CXADR: variants seen among roughly 807,000 people sequenced by gnomAD.
CXADR encodes the protein coxsackievirus and adenovirus receptor.
Under a neutral mutation model 40.3 loss-of-function variants are expected in CXADR, and 20 were observed. The ratio of observed to expected loss-of-function variants is 0.50; its 90% CI spans 0.35 to 0.72. The LOEUF (loss-of-function observed/expected upper bound fraction) is 0.72. Ranked by LOEUF, CXADR falls within the 30% of genes least tolerant of loss-of-function variation. The probability of loss-of-function intolerance (pLI) is 0.01; values close to 1 mark genes in which losing one functional copy is unlikely to be tolerated. For missense variants in CXADR, 332 were observed against 449.1 expected (o/e 0.74, Z 2.36); for synonymous variants, 150 against 161.3 (o/e 0.93, Z 0.53).
Position 17,589,582 on chromosome 21 carries a change from ATT to A in CXADR, c.1018-3560_1018-3559del, listed in dbSNP as rs57696814. ...ATACTAGCACCATTCTAGGCATACCATTTTTTTTTTTATTCTACTCTTTTTTA... is the reference window on the plus strand; with the variant it reads ...ATACTAGCACCATTCTAGGCATACCATTTTTTTTTATTCTACTCTTTTTTA... On this transcript the variant is annotated intron_variant, in intron 7 of 7. Transcript: ENST00000400169. Among the ~76,000 whole-genome samples the A allele has an allele frequency of 7.4e-3, 1,113 of 149,848 alleles. 59 individuals are homozygous for A. In the East Asian group the frequency reaches 0.13, roughly 18 times the overall value.
downstream of CXADR, chr21:17,570,236 G>C (rs1275906500): frequency 1.1e-6 from 1 of 948,098 alleles, no homozygotes; most frequent in African/African-American, 1.8e-5. Flanking sequence ...AATAAAGATT[G>C]CGACAATCAT....
the CXADR span, among the ~76,000 whole-genome samples, chr21:17,618,613 CT>C: frequency 5.3e-5 from 8 of 152,082 alleles, no homozygotes; most frequent in Admixed American, 5.2e-4. Context: ...TCTTGGCTCA[CT>C]GCAACCTTTG....
the CXADR span, among the ~76,000 whole-genome samples, chr21:17,624,171 A>G: frequency 6.6e-6 from 1 of 151,882 alleles, no homozygotes; most frequent in Non-Finnish European, 1.5e-5. Context: ...CCCCCAGCCC[A>G]TGCTTTCTCC....
the CXADR span, among the ~76,000 whole-genome samples, chr21:17,614,569 C>T: frequency 6.6e-6 from 1 of 151,986 alleles, no homozygotes; most frequent in Admixed American, 6.6e-5. Flanking sequence ...ATCATGAAAC[C>T]CAATCTCTAC....
chr21:17,593,088 A>G (rs1256902389), intron 7 of CXADR: 2 of 1,268,830 alleles, frequency 1.6e-6, no homozygotes, highest in East Asian at 3.0e-5. Flanking sequence ...CTTAGTTTTT[A>G]AAAATTTACC....
Position 17,566,574 on chromosome 21 carries a change from A to G in CXADR, c.*882A>G, listed in dbSNP as rs2061211518. The stretch of plus-strand genomic sequence containing the variant: ...GTGATATTTTTCTTATTAGAAAAAT[A>G]TTATAACTCATTTGTTGTTTGACAC... On this transcript the variant is annotated 3_prime_UTR_variant, in exon 7 of 7. Transcript: ENST00000284878. 2.0e-6 allele frequency: 2 copies of G among 981,976 alleles called. No individual in the cohort carries two copies. The highest frequency in any genetic ancestry group is 4.7e-5 in the South Asian group (1 of 21,214). 60.8% of individuals were successfully genotyped at this position (981,976 alleles called of 1,614,324 possible).
intron 1 of CXADR, among the ~76,000 whole-genome samples, chr21:17,514,756 C>G (rs1025492636): frequency 2.6e-5 from 4 of 151,944 alleles, no homozygotes; most frequent in Admixed American, 2.0e-4. Flanking sequence ...GCCTCAGCCT[C>G]CTGAGTAGCT....
chr21:17,616,743 C>A, the CXADR span, among the ~76,000 whole-genome samples: 1 of 152,126 alleles, frequency 6.6e-6, no homozygotes, highest in East Asian at 1.9e-4. Flanking sequence ...CTTCTGGGGC[C>A]TTTGGAGGTC....
chr21:17,580,940 G>A (rs2061355997), intron 7 of CXADR, among the ~76,000 whole-genome samples: 1 of 152,022 alleles, frequency 6.6e-6, no homozygotes, highest in African/African-American at 2.4e-5. Context: ...TTGTAGGGAG[G>A]AGGTCTCACT....
chr21:17,627,984 T>C, the CXADR span, among the ~76,000 whole-genome samples: 1 of 152,252 alleles, frequency 6.6e-6, no homozygotes. Context: ...AAGCAAGTAA[T>C]TCTCTTTTTT....
At chr21:17,604,190 T>TC in the CXADR span, 1 of 1,223,656 alleles carries the variant, frequency 8.2e-7, no homozygotes, top group South Asian at 1.4e-5. Context: ...ACGCCTGTAA[T>TC]CCAGCGCTTT....
chr21:17,543,041 A>G (rs746517298), intron 1 of CXADR: 1 of 376,296 alleles, frequency 2.7e-6, no homozygotes, highest in Non-Finnish European at 5.3e-6. Flanking sequence ...CACAGTGAAG[A>G]GGAATTGAAG....
downstream of CXADR, chr21:17,593,664 A>C (rs1390606038): frequency 1.2e-5 from 2 of 163,002 alleles, no homozygotes; most frequent in African/African-American, 2.4e-5. Flanking sequence ...CATGCCTCAA[A>C]CTATTTTTTA....
At chr21:17,619,584 A>G in the CXADR span, among the ~76,000 whole-genome samples, 1 of 133,904 alleles carries the variant, frequency 7.5e-6, no homozygotes, top group African/African-American at 3.1e-5. Flanking sequence ...GCATCAGAGC[A>G]AGGCTCTGTT....
intron 1 of CXADR, among the ~76,000 whole-genome samples, chr21:17,516,889 A>G (rs1021327467): frequency 1.3e-5 from 2 of 152,252 alleles, no homozygotes; most frequent in Admixed American, 1.3e-4. Flanking sequence ...CACAAGGCAC[A>G]CATATTTCAA....
intron 1 of CXADR, among the ~76,000 whole-genome samples, chr21:17,515,151 G>C (rs927436032): frequency 6.7e-6 from 1 of 149,424 alleles, no homozygotes; most frequent in African/African-American, 2.5e-5. Context: ...TTTAAGAACA[G>C]CTGAGGCCAG....
intron 1 of CXADR, among the ~76,000 whole-genome samples, chr21:17,538,489 A>G (rs758984508): frequency 6.6e-6 from 1 of 152,136 alleles, no homozygotes; most frequent in African/African-American, 2.4e-5. Context: ...ATTGTCAGAC[A>G]TGTCAGTGAC....
At chr21:17,538,817 CA>C (rs1280782724) in intron 1 of CXADR, among the ~76,000 whole-genome samples, 1 of 151,648 alleles carries the variant, frequency 6.6e-6, no homozygotes, top group African/African-American at 2.4e-5. Context: ...GACCCTGTTT[CA>C]AAAAAATAGA....
At chr21:17,600,271 C>T in the CXADR span, among the ~76,000 whole-genome samples, 1 of 151,996 alleles carries the variant, frequency 6.6e-6, no homozygotes. Flanking sequence ...CACTATCAAA[C>T]AATTTCTAGC....
Sources: gnomAD v4.1 joint callset for allele counts (sites outside exome capture counted in the v4.1 genomes callset) on GRCh38, gnomAD v4.1.1 for gene constraint, MANE v1.5 for transcripts, NCBI Gene and HGNC (gene_info 2026-07-23, HGNC 2026-07-21) for gene names.